Variants in HPD observed in about 807,000 individuals in gnomAD.
The protein encoded by HPD is 4-hydroxyphenylpyruvic acid oxidase.
A neutral mutation model predicts 56.9 loss-of-function variants in HPD; 35 were observed. The ratio of observed to expected loss-of-function variants is 0.62; its 90% CI spans 0.47 to 0.82. HPD has a LOEUF of 0.82. Among genes scored for constraint, HPD ranks in the 40% least tolerant of loss-of-function variants. HPD has a pLI of 0.00. For synonymous variants in HPD, 186 were observed against 200.2 expected, an observed-to-expected ratio of 0.93 and a Z score of 0.60; for missense variants, 442 against 506.8, an observed-to-expected ratio of 0.87 and a Z score of 1.23.
At chr12:121,869,388 G>A in the HPD span, among the ~76,000 whole-genome samples, 15 of 149,362 alleles carry the variant, frequency 1.0e-4, no homozygotes, top group African/African-American at 3.7e-4. Flanking sequence ...GTGGATATGG[G>A]GTCTCACTAT....
At chr12:121,877,480 C>T in the HPD span, among the ~76,000 whole-genome samples, 2 of 151,834 alleles carry the variant, frequency 1.3e-5, no homozygotes, top group African/African-American at 4.8e-5. Context: ...GCCTGTAGTC[C>T]CAGCACTTTG....
chr12:121,850,510 G>A (rs1877732495), intron 7 of HPD, among the ~76,000 whole-genome samples: 1 of 126,316 alleles, frequency 7.9e-6, no homozygotes, highest in Non-Finnish European at 1.6e-5. Flanking sequence ...GTCTCACTCT[G>A]TCACTCAGGC....
chr12:121,872,218 G>A, the HPD span, among the ~76,000 whole-genome samples: 3,332 of 135,072 alleles, frequency 0.025, 59 homozygotes, highest in Middle Eastern at 0.063. Flanking sequence ...CAGCCTGGGC[G>A]ACAGAGCGAG....
chr12:121,861,021 G>A (rs1435825016), upstream of HPD, among the ~76,000 whole-genome samples: 1 of 152,088 alleles, frequency 6.6e-6, no homozygotes, highest in African/African-American at 2.4e-5. Context: ...CCAACATGGT[G>A]AAACCCTATC....
In HPD at chr12:121,857,744, C is replaced by G. The variant is rs1446798072; in HGVS notation, c.93+13G>C. 6.2e-7 allele frequency: 1 copy of G among 1,611,974 alleles called. No homozygotes were observed. The highest frequency in any genetic ancestry group is 1.7e-5 in the Admixed American group (1 of 59,992). ...GCCGTCTGCTCACTCCAGCACCTTG[C>G]CCCGGCTTCTACCTGCTTGGCGTTG... On this transcript the variant is annotated intron_variant, in intron 3 of 13. Transcript: ENST00000289004.
At chr12:121,862,005 G>C (rs1221592065), upstream of HPD, among the ~76,000 whole-genome samples, 2 of 152,014 alleles carry the variant, frequency 1.3e-5, no homozygotes, top group Non-Finnish European at 2.9e-5. Flanking sequence ...GTGAGACCCT[G>C]TCTTAAAAAA....
upstream of HPD, among the ~76,000 whole-genome samples, chr12:121,866,336 A>T (rs955514956): frequency 1.1e-4 from 17 of 150,616 alleles, no homozygotes; most frequent in African/African-American, 4.1e-4. Flanking sequence ...AACTTTCTAG[A>T]TGTTCTAGAT....
Position 121,839,913 on chromosome 12 carries a change from T to C in HPD, c.1071+19A>G, listed in dbSNP as rs527884775. 6.2e-7 allele frequency: 1 copy of C among 1,605,436 alleles called. No homozygotes were observed. The highest frequency in any genetic ancestry group is 1.1e-5 in the South Asian group (1 of 90,908). ...TGCTAGCTGCCTGTCCCCTCGGGCC[T>C]GCCGGGGACAAGCAGTACCTGGTGG... On this transcript the variant is annotated intron_variant, in intron 13 of 13. Transcript: ENST00000289004.
At chr12:121,850,013 G>T in intron 7 of HPD, 1 of 553,000 alleles carries the variant, frequency 1.8e-6, no homozygotes, top group South Asian at 1.8e-5. Flanking sequence ...TCATGATGGT[G>T]TACCCAGCGC....
chr12:121,871,472 A>T, the HPD span, among the ~76,000 whole-genome samples: 2 of 152,166 alleles, frequency 1.3e-5, no homozygotes, highest in African/African-American at 4.8e-5. Flanking sequence ...GAGGATTCAG[A>T]GGCAGAAGTC....
At chr12:121,856,992 G>A (rs775670689) in intron 4 of HPD, 2 of 495,844 alleles carry the variant, frequency 4.0e-6, no homozygotes, top group Non-Finnish European at 7.3e-6. Flanking sequence ...GAAGGGCCGT[G>A]TTGCATGGCT....
At chr12:121,855,059 C>T (rs1156967893) in intron 6 of HPD, among the ~76,000 whole-genome samples, 1 of 152,148 alleles carries the variant, frequency 6.6e-6, no homozygotes, top group Non-Finnish European at 1.5e-5. Flanking sequence ...TGCTAACTCC[C>T]CCTGTGATCA....
intron 2 of HPD, among the ~76,000 whole-genome samples, chr12:121,858,031 G>A (rs139130292): frequency 1.9e-4 from 28 of 147,806 alleles, no homozygotes; most frequent in African/African-American, 6.8e-4. Flanking sequence ...AACCCCCTCA[G>A]GAGGCCTGCC....
At chr12:121,865,455 AGATGGGGTTTCGTCATGTTGGCCAGGCT>A (rs1878301307), upstream of HPD, among the ~76,000 whole-genome samples, 2 of 150,532 alleles carry the variant, frequency 1.3e-5, no homozygotes, top group African/African-American at 4.9e-5. Context: ...TTTTTAGTAG[AGATGGGGTTTCGTCATGTTGGCCAGGCT>A]GGTCTCACAC....
the HPD span, among the ~76,000 whole-genome samples, chr12:121,879,759 C>T: frequency 6.6e-6 from 1 of 152,132 alleles, no homozygotes; most frequent in African/African-American, 2.4e-5. Context: ...GATACTTATG[C>T]TAATTTTTTT....
chr12:121,871,638 T>C, the HPD span, among the ~76,000 whole-genome samples: 1 of 152,150 alleles, frequency 6.6e-6, no homozygotes, highest in Non-Finnish European at 1.5e-5. Context: ...GGGGCTGGTC[T>C]TTATCTCTTG....
At chr12:121,845,963 A>C (rs1269431301) in intron 11 of HPD, among the ~76,000 whole-genome samples, 1 of 152,132 alleles carries the variant, frequency 6.6e-6, no homozygotes, top group African/African-American at 2.4e-5. Context: ...AAAGTGGCTC[A>C]ATCATAGCTA....
At chr12:121,866,226 G>C (rs920333911), upstream of HPD, among the ~76,000 whole-genome samples, 2 of 150,936 alleles carry the variant, frequency 1.3e-5, no homozygotes, top group Non-Finnish European at 2.9e-5. Flanking sequence ...GTGTGAACTC[G>C]GGAGGCAGAG....
chr12:121,847,189 G>A lies in HPD; in HGVS notation c.622C>T (p.Arg208Cys), dbSNP rs1432441730. Residue 208 changes from arginine (R) to cysteine (C), a missense_variant, in exon 10 of 14, where the codon CGC becomes TGC. Transcript: ENST00000289004. ...TGCGTGTCATCCACGGACCAGAAGC[G>A]GTGGAACTGCAGGTTTTTCAGGTAC... is the stretch of plus-strand genomic sequence containing the variant. ...EWYLKNLQFH[R>C]FWSVDDTQVH... The A allele has an allele frequency of 2.5e-6, 4 of 1,613,984 alleles. No homozygotes were observed. The highest frequency in any genetic ancestry group is 1.3e-5 in the African/African-American group (1 of 74,884).
Sources: allele counts gnomAD v4.1 joint callset (sites outside exome capture counted in the v4.1 genomes callset), GRCh38; gene constraint gnomAD v4.1.1; transcripts MANE v1.5; gene names NCBI Gene and HGNC (gene_info 2026-07-23, HGNC 2026-07-21).